Variants in SEPTIN14 observed in about 807,000 individuals in gnomAD.
The protein encoded by SEPTIN14 is septin-14.
In SEPTIN14, 40 loss-of-function variants were observed where a neutral mutation model predicts 53.6. The observed-to-expected ratio is 0.75, with a 90% CI of 0.58 to 0.97. SEPTIN14 has a LOEUF of 0.97. SEPTIN14 is among the 50% of genes least tolerant of loss of function. The pLI is 0.00. For missense variants in SEPTIN14, 471 were observed against 508.2 expected, an observed-to-expected ratio of 0.93 and a Z score of 0.70; for synonymous variants, 138 against 166.8, an observed-to-expected ratio of 0.83 and a Z score of 1.33.
intron 6 of SEPTIN14, among the ~76,000 whole-genome samples, chr7:55,820,172 G>A (rs979780224): frequency 8.6e-5 from 13 of 152,040 alleles, no homozygotes; most frequent in African/African-American, 3.1e-4. Context: ...GCTAATTTTT[G>A]TATTGTTTAG....
At chr7:55,831,084 A>G (rs1789101914) in intron 6 of SEPTIN14, among the ~76,000 whole-genome samples, 3 of 152,184 alleles carry the variant, frequency 2.0e-5, no homozygotes, top group Non-Finnish European at 2.9e-5. Flanking sequence ...ATATGGAACC[A>G]AAAAAGCATT....
In SEPTIN14 at chr7:55,855,641, C is replaced by T. The variant is rs191121589; in HGVS notation, c.54+6302G>A. On this transcript the variant is annotated intron_variant, in intron 2 of 9. Transcript: ENST00000388975. Reference sequence around the variant, plus strand: ...TGCGATCTCGGCTCACTGCAACTTCCGCCTCCCTGGTTCAAGCAATTCTCC... The same window carrying T: ...TGCGATCTCGGCTCACTGCAACTTCTGCCTCCCTGGTTCAAGCAATTCTCC... 7.0e-3 allele frequency among the ~76,000 whole-genome samples: 1,071 copies of T among 152,130 alleles called. 6 individuals carry two copies. Among genetic ancestry groups the T allele is most frequent in the Non-Finnish European group, 0.012 (785 of 67,986 alleles).
chr7:55,859,529 G>T (rs951698641), intron 2 of SEPTIN14, among the ~76,000 whole-genome samples: 1 of 152,046 alleles, frequency 6.6e-6, no homozygotes, highest in Non-Finnish European at 1.5e-5. Context: ...TTTAAATCAG[G>T]ATGTGTGATG....
chr7:55,802,153 C>T (rs558026873), intron 9 of SEPTIN14, among the ~76,000 whole-genome samples: 4 of 152,026 alleles, frequency 2.6e-5, no homozygotes, highest in African/African-American at 9.6e-5. Context: ...TACAGCCGCA[C>T]ACCACCACGC....
At chr7:55,846,445 C>T (rs1789414324) in intron 3 of SEPTIN14, 72 bp downstream of exon 3, 2 of 1,136,320 alleles carry the variant, frequency 1.8e-6, no homozygotes, top group South Asian at 1.5e-5. Context: ...CAATGTTACA[C>T]TGCTTAAGAT....
At chr7:55,839,645 G>A (rs1285487179) in intron 5 of SEPTIN14, among the ~76,000 whole-genome samples, 1 of 152,062 alleles carries the variant, frequency 6.6e-6, no homozygotes, top group Non-Finnish European at 1.5e-5. Flanking sequence ...ATGCTTTCAG[G>A]CGTCCACTGG....
chr7:55,825,856 A>C (rs2116010354), intron 6 of SEPTIN14, among the ~76,000 whole-genome samples: 1 of 152,164 alleles, frequency 6.6e-6, no homozygotes, highest in South Asian at 2.1e-4. Context: ...TAATCCCAGC[A>C]CTTTGGGAGG....
At position 55,843,354 on chromosome 7, in the gene SEPTIN14, C is replaced by T. The variant is rs139911712; in HGVS notation, c.372-226G>A. Among the ~76,000 whole-genome samples the T allele has an allele frequency of 7.0e-4, 107 of 152,160 alleles. 2 individuals carry two copies. Among genetic ancestry groups the T allele is most frequent in the African/African-American group, 1.3e-3 (52 of 41,522 alleles). ...AACATAGAGGAAAGCTGGGTGCATC[C>T]GACAGGGGACTAGTATCCAGAATAT... is the stretch of plus-strand genomic sequence containing the variant. On this transcript the variant is annotated intron_variant, in intron 4 of 9. Transcript: ENST00000388975.
rs1460827543 is a variant in SEPTIN14, at chr7:55,806,997, G to A, written c.986+93C>T. 7 of 902,630 alleles carry A rather than the reference G, an allele frequency of 7.8e-6. No homozygotes were observed. The African/African-American group carries it at 1.0e-4, about 13-fold the overall frequency. 55.9% of individuals were successfully genotyped at this position (902,630 alleles called of 1,614,324 possible). On this transcript the variant is annotated intron_variant, in intron 8 of 9. Transcript: ENST00000388975. ...TTTATGATGGCTCAAGATGGGAGAA[G>A]TATAATTATTCTCATATCCAAATTA...
chr7:55,840,264 G>T (rs1026948121), intron 5 of SEPTIN14, among the ~76,000 whole-genome samples: 1 of 148,478 alleles, frequency 6.7e-6, no homozygotes, highest in African/African-American at 2.5e-5. Context: ...CGAGGTGGGT[G>T]GATCACCTGA....
chr7:55,861,745 T>C (rs1245951278), intron 2 of SEPTIN14, among the ~76,000 whole-genome samples, 198 bp downstream of exon 2: 2 of 152,190 alleles, frequency 1.3e-5, no homozygotes, highest in African/African-American at 4.8e-5. Context: ...GTCATCGGAC[T>C]CAAAAAACAT....
chr7:55,844,448 A>G, intron 4 of SEPTIN14, 75 bp downstream of exon 4: 1 of 703,090 alleles, frequency 1.4e-6, no homozygotes, highest in Non-Finnish European at 2.3e-6. Flanking sequence ...ACTTACACAA[A>G]TTAGTCTATG....
intron 2 of SEPTIN14, among the ~76,000 whole-genome samples, chr7:55,848,103 G>A (rs1035802976): frequency 8.5e-5 from 13 of 152,146 alleles, no homozygotes; most frequent in African/African-American, 3.1e-4. Context: ...AAATCAGTAG[G>A]AAAGATTTTA....
chr7:55,809,309 CTTTTTTTTTTTT>C (rs780613537), intron 7 of SEPTIN14, among the ~76,000 whole-genome samples: 5 of 88,672 alleles, frequency 5.6e-5, no homozygotes, highest in East Asian at 3.5e-4. Context: ...ACTATGCTTA[CTTTTTTTTTTTT>C]TTTTTTTTTT....
chr7:55,811,407 G>T, intron 7 of SEPTIN14: 3 of 476,378 alleles, frequency 6.3e-6, no homozygotes, highest in East Asian at 5.8e-5. Context: ...CTTTCTAGGA[G>T]CCATGGTGTT....
chr7:55,827,868 G>C (rs952258758), intron 6 of SEPTIN14, among the ~76,000 whole-genome samples: 1 of 152,104 alleles, frequency 6.6e-6, no homozygotes, highest in African/African-American at 2.4e-5. Flanking sequence ...AAGGGCACAG[G>C]GCTAAAGAAA....
intron 9 of SEPTIN14, among the ~76,000 whole-genome samples, chr7:55,800,532 G>A (rs111751848): frequency 0.043 from 6,479 of 152,106 alleles, 199 homozygotes; most frequent in Non-Finnish European, 0.064. Flanking sequence ...GCTGAGGCAG[G>A]AGAATCGCTT....
rs1789029102 is a variant in SEPTIN14, at chr7:55,828,497, G to A, written c.720+5928C>T. 2.0e-5 allele frequency among the ~76,000 whole-genome samples: 3 copies of A among 152,010 alleles called. No individual in the cohort carries two copies. The South Asian group carries it at 6.2e-4, about 31-fold the overall frequency. On this transcript the variant is annotated intron_variant, in intron 6 of 9. Transcript: ENST00000388975. ...TTTTTTGTATTTTTAGTAGAGGTGG[G>A]GTTTCACCGTGTTAGCCAGGATGGT... is the stretch of plus-strand genomic sequence containing the variant.
chr7:55,855,100 C>T (rs1348919947), intron 2 of SEPTIN14, among the ~76,000 whole-genome samples: 1 of 151,810 alleles, frequency 6.6e-6, no homozygotes, highest in Admixed American at 6.6e-5. Context: ...GCTCTGCCTC[C>T]CAGGTTCACG....
Sources: allele counts gnomAD v4.1 joint callset (sites outside exome capture counted in the v4.1 genomes callset), GRCh38; gene constraint gnomAD v4.1.1; transcripts MANE v1.5; gene names NCBI Gene and HGNC (gene_info 2026-07-23, HGNC 2026-07-21).